Variants in GPHN observed in about 807,000 individuals in gnomAD.
GPHN encodes gephyrin.
A neutral mutation model predicts 95.5 loss-of-function variants in GPHN; 17 were observed. That is an observed-to-expected ratio of 0.18 (90% CI 0.12 to 0.27). The LOEUF (loss-of-function observed/expected upper bound fraction) is 0.27, where lower values mean the gene tolerates loss of function less well. Ranked by LOEUF, GPHN falls within the 10% of genes least tolerant of loss-of-function variation. The probability of loss-of-function intolerance (pLI) is 1.00; values close to 1 mark genes in which losing one functional copy is unlikely to be tolerated. For synonymous variants in GPHN, 320 were observed against 322.5 expected, an observed-to-expected ratio of 0.99 and a Z score of 0.08; for missense variants, 660 against 978.1, an observed-to-expected ratio of 0.67 and a Z score of 4.34.
intron 8 of GPHN, among the ~76,000 whole-genome samples, chr14:66,948,512 G>T (rs2067892718): frequency 1.3e-5 from 2 of 152,098 alleles, no homozygotes; most frequent in African/African-American, 4.8e-5. Flanking sequence ...AGTCTACTAA[G>T]AGGTCTTTTT....
the GPHN span, chr14:67,204,606 G>A: frequency 1.8e-5 from 29 of 1,613,742 alleles, no homozygotes; most frequent in Non-Finnish European, 2.2e-5. Flanking sequence ...AAGTAAAGCT[G>A]GTGAGTGGTC....
chr14:67,432,616 G>C, the GPHN span, among the ~76,000 whole-genome samples: 1 of 152,290 alleles, frequency 6.6e-6, no homozygotes, highest in South Asian at 2.1e-4. Flanking sequence ...TGGTGTTCTA[G>C]GGCTGCCATG....
intron 1 of GPHN, among the ~76,000 whole-genome samples, chr14:66,537,711 T>C (rs1349659237): frequency 6.6e-6 from 1 of 152,200 alleles, no homozygotes; most frequent in East Asian, 1.9e-4. Context: ...AAAAATTCCT[T>C]TAATATTTCT....
At chr14:67,429,253 C>T in the GPHN span, among the ~76,000 whole-genome samples, 1 of 144,264 alleles carries the variant, frequency 6.9e-6, no homozygotes, top group Non-Finnish European at 1.5e-5. Context: ...TTTTTTGAGA[C>T]AGAGTCTCAC....
intron 11 of GPHN, among the ~76,000 whole-genome samples, chr14:67,066,140 A>T: frequency 6.6e-6 from 1 of 152,172 alleles, no homozygotes; most frequent in East Asian, 1.9e-4. Context: ...TGGTGGTGAC[A>T]AAATCTCTGA....
At chr14:67,098,149 TA>T (rs201477337) in intron 12 of GPHN, among the ~76,000 whole-genome samples, 3,658 of 146,742 alleles carry the variant, frequency 0.025, 68 homozygotes, top group Non-Finnish European at 0.036. Flanking sequence ...ATAATAATAA[TA>T]AAAAAAAAGA....
chr14:67,505,301 G>T, the GPHN span, among the ~76,000 whole-genome samples: 10 of 152,108 alleles, frequency 6.6e-5, no homozygotes, highest in African/African-American at 2.2e-4. Context: ...TAGAAAACTG[G>T]CCCTCCTGTC....
the GPHN span, among the ~76,000 whole-genome samples, chr14:67,566,584 A>G: frequency 9.9e-5 from 15 of 152,088 alleles, no homozygotes; most frequent in Non-Finnish European, 2.9e-5. Flanking sequence ...ATGTCTACCA[A>G]AAAAGATACA....
intron 1 of GPHN, among the ~76,000 whole-genome samples, chr14:66,593,660 C>G (rs1398177469): frequency 6.6e-6 from 1 of 152,116 alleles, no homozygotes; most frequent in Non-Finnish European, 1.5e-5. Context: ...CAAATCATAT[C>G]AAAGATTTAC....
intron 17 of GPHN, among the ~76,000 whole-genome samples, chr14:67,134,953 C>CCTTTTTTTTTTTTTTT (rs2079968605): frequency 4.4e-5 from 2 of 45,252 alleles, no homozygotes; most frequent in Admixed American, 2.5e-4. Flanking sequence ...TTTCTTTCTT[C>CCTTTTTTTTTTTTTTT]TTTTTTTTTT....
At chr14:67,446,263 G>GC in the GPHN span, among the ~76,000 whole-genome samples, 1 of 152,174 alleles carries the variant, frequency 6.6e-6, no homozygotes, top group South Asian at 2.1e-4. Context: ...AGGTCCACCT[G>GC]CCCCAAGAGC....
At chr14:66,871,366 A>G (rs542201082) in intron 4 of GPHN, among the ~76,000 whole-genome samples, 1 of 152,242 alleles carries the variant, frequency 6.6e-6, no homozygotes, top group South Asian at 2.1e-4. Flanking sequence ...CCCCGAATTC[A>G]TGAAATGTCA....
chr14:67,344,013 C>T, the GPHN span, among the ~76,000 whole-genome samples: 1 of 152,160 alleles, frequency 6.6e-6, no homozygotes, highest in African/African-American at 2.4e-5. Context: ...CATCCTGTCC[C>T]TGAGTAAGGA....
chr14:67,136,089 A>G (rs751952347), intron 17 of GPHN, among the ~76,000 whole-genome samples: 3 of 148,918 alleles, frequency 2.0e-5, no homozygotes, highest in Admixed American at 1.3e-4. Flanking sequence ...AAAATTATCT[A>G]TTGCCCCAGA....
At chr14:66,598,384 T>C (rs962524474) in intron 1 of GPHN, among the ~76,000 whole-genome samples, 1 of 128,158 alleles carries the variant, frequency 7.8e-6, no homozygotes, top group Non-Finnish European at 1.5e-5. Context: ...TAAATATATA[T>C]AATCAGTTAA....
chr14:67,027,527 CACT>C (rs1413487312), intron 10 of GPHN, among the ~76,000 whole-genome samples: 2 of 152,190 alleles, frequency 1.3e-5, no homozygotes, highest in East Asian at 3.9e-4. Context: ...GACAGGGTTT[CACT>C]ATGTTGCCCA....
chr14:67,155,304 C>T (rs2081517194), intron 18 of GPHN, among the ~76,000 whole-genome samples: 2 of 152,156 alleles, frequency 1.3e-5, no homozygotes, highest in African/African-American at 4.8e-5. Context: ...TGCCAGAAGA[C>T]CTCAAATTCT....
At chr14:67,037,496 CA>C (rs968640063) in intron 10 of GPHN, among the ~76,000 whole-genome samples, 2 of 151,710 alleles carry the variant, frequency 1.3e-5, no homozygotes, top group African/African-American at 4.8e-5. Context: ...AAACAATCAG[CA>C]GAGTAAAATG....
At chr14:67,349,772 T>A in the GPHN span, among the ~76,000 whole-genome samples, 2 of 152,192 alleles carry the variant, frequency 1.3e-5, no homozygotes, top group Non-Finnish European at 2.9e-5. Context: ...ACATACCACT[T>A]ATACACTATT....
Sources: gnomAD v4.1 joint callset for allele counts (sites outside exome capture counted in the v4.1 genomes callset) on GRCh38, gnomAD v4.1.1 for gene constraint, MANE v1.5 for transcripts, NCBI Gene and HGNC (gene_info 2026-07-23, HGNC 2026-07-21) for gene names.